FARP1: variants seen among roughly 807,000 people sequenced by gnomAD.
FARP1 encodes FERM, ARH/RhoGEF and pleckstrin domain protein 1, also known as FERM, ARHGEF and pleckstrin domain-containing protein 1.
In FARP1, 52 loss-of-function variants were observed where a neutral mutation model predicts 128.8. The ratio of observed to expected loss-of-function variants is 0.40; its 90% CI spans 0.32 to 0.51. FARP1 has a LOEUF of 0.51. Among genes scored for constraint, FARP1 ranks in the 20% least tolerant of loss-of-function variants. FARP1 has a pLI of 0.45. For synonymous variants in FARP1, 580 were observed against 551.8 expected (o/e 1.05, Z -0.72); for missense variants, 1,333 against 1,367.9 (o/e 0.97, Z 0.40).
At chr13:98,331,887 A>G (rs552079111) in intron 2 of FARP1, 1 of 152,278 alleles carries the variant, frequency 6.6e-6, no homozygotes, top group South Asian at 2.1e-4. Flanking sequence ...TTTTGCGCCT[A>G]ATAGTAATAG....
rs562026168 is a variant in FARP1 at position 98,422,715 on chromosome 13, C to T, written c.1827-1857C>T. 3.9e-5 allele frequency among the ~76,000 whole-genome samples: 6 copies of T among 152,228 alleles called. No homozygotes were observed. The East Asian group carries it at 7.7e-4, about 20-fold the overall frequency. ...TACCTCCTGGGTTTGCTTAATTAAG[C>T]GTGTGCATCCTCCTTGCCCTCTTCT... On this transcript the variant is annotated intron_variant, in intron 16 of 26. Transcript: ENST00000319562.
At chr13:98,330,788 A>G (rs889156510) in intron 2 of FARP1, among the ~76,000 whole-genome samples, 1 of 152,230 alleles carries the variant, frequency 6.6e-6, no homozygotes, top group Non-Finnish European at 1.5e-5. Context: ...ACAGAAGGTA[A>G]AGAATGTCAT....
intron 2 of FARP1, among the ~76,000 whole-genome samples, chr13:98,311,851 T>C (rs922527749): frequency 3.2e-5 from 3 of 94,158 alleles, no homozygotes; most frequent in Non-Finnish European, 8.4e-5. Context: ...TGTTGTTTTT[T>C]GTTTTTTTTT....
At chr13:98,411,217 C>A (rs9517283) in intron 15 of FARP1, among the ~76,000 whole-genome samples, 36,428 of 151,992 alleles carry the variant, frequency 0.24, 5,259 homozygotes, top group African/African-American at 0.4. Context: ...GAGCCTTGTC[C>A]GCAAAATCTG....
intron 1 of FARP1, among the ~76,000 whole-genome samples, chr13:98,172,386 A>T (rs1430965766): frequency 2.0e-5 from 3 of 151,970 alleles, no homozygotes; most frequent in African/African-American, 7.3e-5. Flanking sequence ...CTGAGCAGTT[A>T]TGTGACCAGC....
At chr13:98,387,151 A>C (rs181507859) in intron 8 of FARP1, among the ~76,000 whole-genome samples, 1 of 152,296 alleles carries the variant, frequency 6.6e-6, no homozygotes, top group Non-Finnish European at 1.5e-5. Context: ...AAATACAAAA[A>C]TTAGCTGGGC....
chr13:98,384,914 C>T, intron 7 of FARP1, 70 bp downstream of exon 7: 2 of 861,462 alleles, frequency 2.3e-6, no homozygotes, highest in Non-Finnish European at 4.0e-6. Flanking sequence ...CATGGGTGTA[C>T]ATCCCTCCAC....
chr13:98,329,286 A>G (rs1307394146), intron 2 of FARP1: 2 of 152,208 alleles, frequency 1.3e-5, no homozygotes, highest in Non-Finnish European at 2.9e-5. Flanking sequence ...CTTTTTTCAT[A>G]TAGTTGGCCT....
intron 2 of FARP1, among the ~76,000 whole-genome samples, chr13:98,224,672 G>A (rs781500094): frequency 2.0e-5 from 3 of 152,048 alleles, no homozygotes; most frequent in Middle Eastern, 3.4e-3. Flanking sequence ...CCCATTTGCT[G>A]ACCCCAACCA....
At chr13:98,208,874 C>T (rs1352673187) in intron 1 of FARP1, among the ~76,000 whole-genome samples, 4 of 152,106 alleles carry the variant, frequency 2.6e-5, no homozygotes, top group Non-Finnish European at 5.9e-5. Context: ...GTAAGGAATT[C>T]ATTAGGAAAC....
intron 2 of FARP1, among the ~76,000 whole-genome samples, chr13:98,327,970 C>A (rs916215633): frequency 6.6e-6 from 1 of 152,082 alleles, no homozygotes; most frequent in Non-Finnish European, 1.5e-5. Flanking sequence ...GAAACGAGAA[C>A]CATGCGCACG....
At chr13:98,308,093 G>A (rs1886265696) in intron 2 of FARP1, among the ~76,000 whole-genome samples, 1 of 139,830 alleles carries the variant, frequency 7.2e-6, no homozygotes, top group African/African-American at 2.7e-5. Context: ...GGGTTTCTTG[G>A]ACTGTGAAAC....
intron 1 of FARP1, among the ~76,000 whole-genome samples, chr13:98,184,969 A>G (rs1056628673): frequency 6.6e-6 from 1 of 152,226 alleles, no homozygotes; most frequent in Non-Finnish European, 1.5e-5. Context: ...CGTGGTGTAA[A>G]TATTTCCACC....
intron 2 of FARP1, among the ~76,000 whole-genome samples, chr13:98,240,155 C>CT (rs1882680831): frequency 6.6e-6 from 1 of 152,174 alleles, no homozygotes; most frequent in Admixed American, 6.5e-5. Context: ...TGGCCAGTGG[C>CT]TGGGGCCTTG....
chr13:98,148,248 C>T (rs531492342), intron 1 of FARP1, among the ~76,000 whole-genome samples: 50 of 152,210 alleles, frequency 3.3e-4, no homozygotes, highest in African/African-American at 1.1e-3. Flanking sequence ...CGTGGTGGCG[C>T]GTGACTGTAA....
At chr13:98,258,772 A>G (rs534210054) in intron 2 of FARP1, among the ~76,000 whole-genome samples, 1 of 152,084 alleles carries the variant, frequency 6.6e-6, no homozygotes, top group Admixed American at 6.5e-5. Context: ...CTAATTTCTT[A>G]CCCTCTTGAT....
chr13:98,418,162 A>T (rs774117598), intron 16 of FARP1, among the ~76,000 whole-genome samples: 8 of 151,932 alleles, frequency 5.3e-5, no homozygotes, highest in Non-Finnish European at 1.0e-4. Context: ...CAATCCTCCC[A>T]CCTCAGCTTT....
intron 16 of FARP1, among the ~76,000 whole-genome samples, chr13:98,420,463 C>T (rs1891552461): frequency 6.6e-6 from 1 of 152,146 alleles, no homozygotes; most frequent in African/African-American, 2.4e-5. Context: ...GACCAGCTCA[C>T]GTTGTGGTGA....
intron 3 of FARP1, among the ~76,000 whole-genome samples, chr13:98,357,469 T>C (rs559609816): frequency 6.6e-6 from 1 of 152,340 alleles, no homozygotes; most frequent in Admixed American, 6.5e-5. Context: ...TTTTGGATTA[T>C]TTCTATTGTT....
Sources: gnomAD v4.1 joint callset for allele counts (sites outside exome capture counted in the v4.1 genomes callset) on GRCh38, gnomAD v4.1.1 for gene constraint, MANE v1.5 for transcripts, NCBI Gene and HGNC (gene_info 2026-07-23, HGNC 2026-07-21) for gene names.